Variants in KLF16 observed in about 807,000 individuals in gnomAD.
KLF16 encodes the protein KLF transcription factor 16.
Under a neutral mutation model 6.1 loss-of-function variants are expected in KLF16, and 6 were observed. That is an observed-to-expected ratio of 0.98 (90% confidence interval 0.54 to 1.93). KLF16 has a LOEUF of 1.93. Among genes scored for constraint, KLF16 ranks in the 30% most tolerant of loss-of-function variants. The pLI is 0.01. For missense variants in KLF16, 355 were observed against 363.8 expected, an observed-to-expected ratio of 0.98 and a Z score of 0.20; for synonymous variants, 211 against 176.5, an observed-to-expected ratio of 1.20 and a Z score of -1.55.
the KLF16 span, among the ~76,000 whole-genome samples, chr19:1,871,787 ACTGCAAGGAAG>A: frequency 6.6e-6 from 1 of 151,972 alleles, no homozygotes; most frequent in Non-Finnish European, 1.5e-5. Context: ...CTGCTGGCCG[ACTGCAAGGAAG>A]CCCCTGCGTG....
intron 1 of KLF16, among the ~76,000 whole-genome samples, chr19:1,858,842 G>A (rs531868195): frequency 2.6e-5 from 4 of 152,132 alleles, no homozygotes; most frequent in Admixed American, 6.5e-5. Context: ...AATGGTCTAA[G>A]CCAGGGTGGT....
At chr19:1,867,759 C>T (rs1027945887), upstream of KLF16, among the ~76,000 whole-genome samples, 2 of 152,172 alleles carry the variant, frequency 1.3e-5, no homozygotes, top group South Asian at 4.1e-4. Flanking sequence ...CCCAGCTACT[C>T]GGGAGGCTGA....
At chr19:1,856,519 T>C (rs1022044123) in intron 1 of KLF16, among the ~76,000 whole-genome samples, 1 of 151,888 alleles carries the variant, frequency 6.6e-6, no homozygotes, top group Non-Finnish European at 1.5e-5. Flanking sequence ...TAGCCTCAAA[T>C]CCCTGGGGCT....
At chr19:1,868,626 C>A in the KLF16 span, among the ~76,000 whole-genome samples, 1 of 150,538 alleles carries the variant, frequency 6.6e-6, no homozygotes, top group African/African-American at 2.4e-5. Context: ...TTACAGGTGC[C>A]CACCACCACA....
At chr19:1,862,919 C>G in intron 1 of KLF16, 122 bp downstream of exon 1, 1 of 364,708 alleles carries the variant, frequency 2.7e-6, no homozygotes, top group Non-Finnish European at 3.8e-6. Flanking sequence ...CCGGCCGGCG[C>G]GGCGGCGGCC....
the KLF16 span, among the ~76,000 whole-genome samples, chr19:1,872,272 A>C: frequency 6.6e-6 from 1 of 152,144 alleles, no homozygotes; most frequent in African/African-American, 2.4e-5. Context: ...CTGGGACTAC[A>C]GGCGCCCGCC....
In KLF16 at chr19:1,853,800, ACAC is replaced by A. The variant is rs1371653457; in HGVS notation, c.*656_*658del. On this transcript the variant is annotated 3_prime_UTR_variant, in exon 2 of 2. Coordinates refer to ENST00000250916, the MANE Select transcript of KLF16 (RefSeq NM_031918.4). Reference sequence around the variant, plus strand: ...CTCCCCATCCCAGGTCTCAGAAGCAACACCTGGAGCCCCTCCGGGCATCCTAAC... The same window carrying A: ...CTCCCCATCCCAGGTCTCAGAAGCAACTGGAGCCCCTCCGGGCATCCTAAC... 2.2e-4 allele frequency: 33 copies of A among 152,672 alleles called. No individual in the cohort carries two copies. The highest frequency in any genetic ancestry group is 7.7e-4 in the African/African-American group (32 of 41,556). The allele number at this position is 152,672 out of a possible 1,614,324, so 9.5% of individuals were successfully genotyped here.
In KLF16 at chr19:1,863,566, G is replaced by A; in HGVS notation, c.-69C>T. The A allele has an allele frequency of 1.2e-6, 1 of 804,792 alleles. No individual in the cohort carries two copies. The highest frequency in any genetic ancestry group is 1.5e-6 in the Non-Finnish European group (1 of 668,000). 49.9% of individuals were successfully genotyped at this position (804,792 alleles called of 1,614,324 possible). On this transcript the variant is annotated 5_prime_UTR_variant, in exon 1 of 2. Transcript: ENST00000250916. ...GGGAGCGGCGTCCGTCCGGCCGGCG[G>A]CGGCTGCTCGAGTGCGGGAGGCGGA...
the KLF16 span, among the ~76,000 whole-genome samples, chr19:1,874,632 G>A: frequency 6.6e-6 from 1 of 151,166 alleles, no homozygotes; most frequent in East Asian, 1.9e-4. Flanking sequence ...AATTTTAGAT[G>A]CTTAGCTTAA....
chr19:1,876,346 G>T, the KLF16 span, among the ~76,000 whole-genome samples: 2 of 152,250 alleles, frequency 1.3e-5, no homozygotes, highest in Non-Finnish European at 2.9e-5. Context: ...GACACAGGCT[G>T]AACCCTGCCC....
At chr19:1,858,150 A>G (rs1354674927) in intron 1 of KLF16, among the ~76,000 whole-genome samples, 3 of 150,788 alleles carry the variant, frequency 2.0e-5, no homozygotes, top group African/African-American at 7.3e-5. Flanking sequence ...TCAATCCCGT[A>G]CCTCCCCACG....
intron 1 of KLF16, chr19:1,861,469 C>T (rs2012063305): frequency 6.6e-6 from 1 of 152,384 alleles, no homozygotes; most frequent in African/African-American, 2.4e-5. Flanking sequence ...TCGCCATCTT[C>T]ACAGACCCCC....
chr19:1,855,929 C>T (rs1275751611), intron 1 of KLF16, among the ~76,000 whole-genome samples: 8 of 152,228 alleles, frequency 5.3e-5, no homozygotes, highest in Non-Finnish European at 1.2e-4. Flanking sequence ...GCATGCCCCT[C>T]GTGGCACTGG....
chr19:1,856,440 C>G (rs1286455832), intron 1 of KLF16, among the ~76,000 whole-genome samples: 1 of 152,206 alleles, frequency 6.6e-6, no homozygotes, highest in Non-Finnish European at 1.5e-5. Context: ...CAGCAGCCCC[C>G]CTCCCCAAGA....
In KLF16 at chr19:1,854,475, G is replaced by A. The variant is rs2011904510; in HGVS notation, c.743C>T (p.Ala248Val). The change falls in exon 2 of 2, where the codon GCC becomes GTC. Residue 248 changes from alanine (A) to valine (V), a missense_variant. By Grantham distance (64) the Ala-to-Val change is moderately conservative. Coordinates refer to ENST00000250916, the MANE Select transcript of KLF16 (RefSeq NM_031918.4). ...SPAPSPAPSP[A>V]PAGL ...ACGAGGGCCCTACAGGCCTGCGGGG[G>A]CTGGGCTGGGCGCGGGGCTGGGCGC... 4 of 1,419,708 alleles carry A rather than the reference G, an allele frequency of 2.8e-6. No homozygotes were observed. Among genetic ancestry groups the A allele is most frequent in the South Asian group, 1.5e-5 (1 of 64,708 alleles). The allele number at this position is 1,419,708 out of a possible 1,614,324, so 87.9% of individuals were successfully genotyped here. A position where few individuals can be genotyped will look rare whatever the true frequency, so the allele number is the denominator to read the frequency against.
chr19:1,874,754 A>AAAAAAC, the KLF16 span: 8 of 136,776 alleles, frequency 5.8e-5, no homozygotes, highest in African/African-American at 1.6e-4. Context: ...CCCAAAAAAA[A>AAAAAAC]AAAAAAAAAA....
chr19:1,867,476 G>A (rs543701780), upstream of KLF16, among the ~76,000 whole-genome samples: 21 of 152,222 alleles, frequency 1.4e-4, no homozygotes, highest in Admixed American at 1.0e-3. Context: ...TCGGGAGGCC[G>A]AGGCGGGAGG....
upstream of KLF16, among the ~76,000 whole-genome samples, chr19:1,865,563 A>AGCAGCCTCCAGGGGTGG (rs2012175687): frequency 6.6e-6 from 1 of 152,214 alleles, no homozygotes; most frequent in African/African-American, 2.4e-5. Context: ...GGCAGGGGTG[A>AGCAGCCTCCAGGGGTGG]GCAGCCTCCA....
upstream of KLF16, among the ~76,000 whole-genome samples, chr19:1,867,503 A>C (rs1028208151): frequency 2.0e-5 from 3 of 152,156 alleles, no homozygotes; most frequent in Non-Finnish European, 4.4e-5. Flanking sequence ...TGCGGCCCCG[A>C]GGTCAAGGCT....
Sources: gnomAD v4.1 joint callset for allele counts (sites outside exome capture counted in the v4.1 genomes callset) on GRCh38, gnomAD v4.1.1 for gene constraint, MANE v1.5 for transcripts, NCBI Gene and HGNC (gene_info 2026-07-23, HGNC 2026-07-21) for gene names.